Variants in METTL9 observed in about 807,000 individuals in gnomAD.
METTL9 encodes the protein methyltransferase 9, His-X-His N1(pi)-histidine, also known as protein-L-histidine N-pros-methyltransferase.
METTL9 carries 10 observed loss-of-function variants against 36.0 expected under a neutral mutation model. That is an observed-to-expected ratio of 0.28 (90% CI 0.17 to 0.47). METTL9 has a LOEUF of 0.47. Ranked by LOEUF, METTL9 falls within the 20% of genes least tolerant of loss-of-function variation. The pLI is 0.99. For missense variants in METTL9, 246 were observed against 383.5 expected (o/e 0.64, Z 3.00); for synonymous variants, 175 against 149.7 (o/e 1.17, Z -1.23).
At chr16:21,600,656 T>C (rs903974556) in intron 1 of METTL9, among the ~76,000 whole-genome samples, 1 of 152,200 alleles carries the variant, frequency 6.6e-6, no homozygotes, top group African/African-American at 2.4e-5. Context: ...AGCGTTACGC[T>C]GTGACCGGGT....
At chr16:21,605,498 G>A (rs965835940) in intron 1 of METTL9, among the ~76,000 whole-genome samples, 2 of 151,592 alleles carry the variant, frequency 1.3e-5, no homozygotes, top group Non-Finnish European at 2.9e-5. Flanking sequence ...TCCTGCCTCA[G>A]TCTCCCAAAG....
At chr16:21,630,454 G>A (rs540636265) in intron 4 of METTL9, among the ~76,000 whole-genome samples, 1 of 152,340 alleles carries the variant, frequency 6.6e-6, no homozygotes, top group African/African-American at 2.4e-5. Context: ...CCGACGCCGT[G>A]GCCGAGGGGG....
chr16:21,634,873 T>C (rs1203989926), intron 4 of METTL9, among the ~76,000 whole-genome samples: 1 of 152,192 alleles, frequency 6.6e-6, no homozygotes. Flanking sequence ...GGCTTTTTCC[T>C]AATTCTCCTT....
intron 2 of METTL9, among the ~76,000 whole-genome samples, chr16:21,614,956 T>TTTCA (rs1323805419): frequency 6.6e-6 from 1 of 152,116 alleles, no homozygotes; most frequent in Non-Finnish European, 1.5e-5. Context: ...TGATACTGTT[T>TTTCA]TTCATTGTGC....
intron 4 of METTL9, chr16:21,642,404 AAAAT>A (rs1391325252): frequency 6.6e-6 from 1 of 152,228 alleles, no homozygotes; most frequent in East Asian, 1.9e-4. Flanking sequence ...TAAATTTTAA[AAAAT>A]AAATAAAAAT....
chr16:21,599,498 T>G (rs1397243561), upstream of METTL9: 6 of 1,213,994 alleles, frequency 4.9e-6, no homozygotes, highest in Non-Finnish European at 6.2e-6. The surrounding 1 kb of genome is among the most constrained non-coding windows in gnomAD (Gnocchi z 4.4). Flanking sequence ...GTGCTCCGGA[T>G]GGAAACTGGT....
At chr16:21,640,350 T>C (rs1324464942) in intron 4 of METTL9, 1 of 152,134 alleles carries the variant, frequency 6.6e-6, no homozygotes, top group Non-Finnish European at 1.5e-5. Context: ...AAAGTAGCTT[T>C]CAAAGGACAA....
At chr16:21,618,569 A>T (rs542018184) in intron 3 of METTL9, among the ~76,000 whole-genome samples, 32 of 152,252 alleles carry the variant, frequency 2.1e-4, no homozygotes, top group African/African-American at 5.5e-4. Flanking sequence ...CCACCATTCT[A>T]CTTTGTCTAT....
intron 1 of METTL9, among the ~76,000 whole-genome samples, chr16:21,610,522 C>G (rs1405067059): frequency 3.9e-5 from 6 of 152,202 alleles, no homozygotes; most frequent in Non-Finnish European, 8.8e-5. Flanking sequence ...GAGCTTTGCT[C>G]TATTTTTGTT....
intron 4 of METTL9, among the ~76,000 whole-genome samples, chr16:21,649,590 T>G (rs1466438304): frequency 6.6e-6 from 1 of 152,218 alleles, no homozygotes; most frequent in African/African-American, 2.4e-5. Flanking sequence ...AAAATGGAAT[T>G]GGGTCTGCCA....
chr16:21,598,196 A>G (rs1964995098), upstream of METTL9, among the ~76,000 whole-genome samples: 1 of 152,042 alleles, frequency 6.6e-6, no homozygotes, highest in African/African-American at 2.4e-5. Context: ...GAAAAACACA[A>G]AAATTAGCTG....
chr16:21,633,106 A>G (rs962746325), intron 4 of METTL9, among the ~76,000 whole-genome samples: 1 of 152,088 alleles, frequency 6.6e-6, no homozygotes, highest in African/African-American at 2.4e-5. Flanking sequence ...CCGTGATTCC[A>G]AGGAACCCCC....
intron 1 of METTL9, 109 bp from the exon 2 acceptor site, chr16:21,612,536 T>C: frequency 2.9e-6 from 3 of 1,029,008 alleles, no homozygotes; most frequent in Non-Finnish European, 4.0e-6. Context: ...TGGTAATATT[T>C]GGAAATCTTA....
At chr16:21,629,198 GTGTT>G (rs942758221) in intron 4 of METTL9, among the ~76,000 whole-genome samples, 8 of 152,006 alleles carry the variant, frequency 5.3e-5, no homozygotes, top group Admixed American at 1.3e-4. Context: ...TATAGACTGC[GTGTT>G]TGTTTGTGTT....
chr16:21,610,926 G>C (rs1476250507), intron 1 of METTL9, among the ~76,000 whole-genome samples: 1 of 152,086 alleles, frequency 6.6e-6, no homozygotes, highest in Non-Finnish European at 1.5e-5. Context: ...AGTTCAGAAC[G>C]TGCACCAGGA....
At chr16:21,644,845 A>G (rs1966383702) in intron 4 of METTL9, among the ~76,000 whole-genome samples, 1 of 152,192 alleles carries the variant, frequency 6.6e-6, no homozygotes, top group African/African-American at 2.4e-5. Flanking sequence ...TGGAACTAGT[A>G]CACATAGCTG....
chr16:21,647,161 T>C lies in METTL9; in HGVS notation c.752-8066T>C, dbSNP rs755732200. On this transcript the variant is annotated intron_variant, in intron 4 of 4. Coordinates refer to ENST00000358154, the MANE Select transcript of METTL9 (RefSeq NM_016025.5). Reference sequence around the variant, plus strand: ...TTACCACCAGTGTGGTCCCTCCTCCTGTCTGTTTAGCTCTCGCTTCCGGCA... The same window carrying C: ...TTACCACCAGTGTGGTCCCTCCTCCCGTCTGTTTAGCTCTCGCTTCCGGCA... 10 of 1,614,086 alleles carry C rather than the reference T, an allele frequency of 6.2e-6. No homozygotes were observed. The East Asian group carries it at 2.2e-4, about 36-fold the overall frequency.
At chr16:21,640,596 C>CAAAAAAA (rs368761095) in intron 4 of METTL9, 1 of 65,584 alleles carries the variant, frequency 1.5e-5, no homozygotes, top group Non-Finnish European at 3.3e-5. Context: ...ACTAAAAATA[C>CAAAAAAA]AAAAAAAAAA....
At chr16:21,621,862 T>C (rs1156855690) in intron 3 of METTL9, among the ~76,000 whole-genome samples, 1 of 151,868 alleles carries the variant, frequency 6.6e-6, no homozygotes, top group Admixed American at 6.6e-5. Context: ...CAACCCGAGA[T>C]GGCAAGGCAT....
Sources: allele counts gnomAD v4.1 joint callset (sites outside exome capture counted in the v4.1 genomes callset), GRCh38; gene constraint gnomAD v4.1.1; non-coding constraint Gnocchi (gnomAD v3.1); transcripts MANE v1.5; gene names NCBI Gene and HGNC (gene_info 2026-07-23, HGNC 2026-07-21).